The following PLCL1 variants were observed in gnomAD, a reference collection of about 807,000 sequenced individuals.
PLCL1 encodes the protein inactive phospholipase C-like protein 1.
In PLCL1, 41 loss-of-function variants were observed where a neutral mutation model predicts 84.4. The observed-to-expected ratio is 0.49, with a 90% CI of 0.38 to 0.63. PLCL1 has a LOEUF of 0.63. Ranked by LOEUF, PLCL1 falls within the 30% of genes least tolerant of loss-of-function variation. PLCL1 has a pLI of 0.00. For missense variants in PLCL1, 1,206 were observed against 1,367.8 expected (o/e 0.88, Z 1.87); for synonymous variants, 490 against 488.3 (o/e 1.00, Z -0.05).
At position 197,904,426 on chromosome 2, in the gene PLCL1, T is replaced by C. The variant is rs115145849; in HGVS notation, c.240+99087T>C. Among the ~76,000 whole-genome samples the C allele has an allele frequency of 3.5e-3, 528 of 152,348 alleles. 4 individuals are homozygous for C. The highest frequency in any genetic ancestry group is 0.012 in the African/African-American group (490 of 41,572). On this transcript the variant is annotated intron_variant, in intron 1 of 5. Transcript: ENST00000428675. ...CCTTAGATGGTTTTATTTCATTTCT[T>C]TTGTATTAGAAAGTTTAGAAAAAGG...
At chr2:197,890,754 G>C (rs1478725861) in intron 1 of PLCL1, among the ~76,000 whole-genome samples, 1 of 137,902 alleles carries the variant, frequency 7.3e-6, no homozygotes, top group Admixed American at 7.3e-5. Flanking sequence ...GTATACGTAT[G>C]TATATATACA....
chr2:197,858,320 G>A (rs544702149), intron 1 of PLCL1, among the ~76,000 whole-genome samples: 8 of 152,214 alleles, frequency 5.3e-5, no homozygotes, highest in East Asian at 1.9e-4. Context: ...AATGCTAACC[G>A]TTGAAGTATA....
chr2:198,048,935 A>G (rs1487867102), intron 1 of PLCL1, among the ~76,000 whole-genome samples: 1 of 152,216 alleles, frequency 6.6e-6, no homozygotes, highest in African/African-American at 2.4e-5. Flanking sequence ...GTGTAGAAGA[A>G]GAACTTGGGC....
intron 1 of PLCL1, among the ~76,000 whole-genome samples, chr2:197,842,767 C>T (rs1687036263): frequency 6.6e-6 from 1 of 152,158 alleles, no homozygotes; most frequent in Non-Finnish European, 1.5e-5. Flanking sequence ...ATCTCTTGTC[C>T]TTATGCCACA....
At chr2:197,996,389 C>G (rs1336197144) in intron 1 of PLCL1, among the ~76,000 whole-genome samples, 1 of 151,970 alleles carries the variant, frequency 6.6e-6, no homozygotes, top group Non-Finnish European at 1.5e-5. Context: ...ATATAGTTGT[C>G]AAAAGTCATA....
chr2:198,014,919 C>T (rs1690959212), intron 1 of PLCL1, among the ~76,000 whole-genome samples: 1 of 152,012 alleles, frequency 6.6e-6, no homozygotes. Context: ...TTTTTCCCCC[C>T]ATATATTTTT....
At position 198,066,970 on chromosome 2, in the gene PLCL1, T is replaced by C. The variant is rs16827329; in HGVS notation, c.241-16788T>C. ...ACATGTTTGTGTGATTATCCTTTAA[T>C]ATATCTTTCTCCTACAGGTGCCATT... On this transcript the variant is annotated intron_variant, in intron 1 of 5. Transcript: ENST00000428675. 1.2e-4 allele frequency among the ~76,000 whole-genome samples: 18 copies of C among 152,298 alleles called. No homozygotes were observed. In the East Asian group the frequency reaches 3.5e-3, roughly 29 times the overall value.
At position 198,047,349 on chromosome 2, in the gene PLCL1, A is replaced by G. The variant is rs185621303; in HGVS notation, c.241-36409A>G. 5.2e-3 allele frequency among the ~76,000 whole-genome samples: 793 copies of G among 152,190 alleles called. 4 individuals carry two copies. The highest frequency in any genetic ancestry group is 8.4e-3 in the Non-Finnish European group (568 of 67,996). On this transcript the variant is annotated intron_variant, in intron 1 of 5. Coordinates refer to ENST00000428675, the MANE Select transcript of PLCL1 (RefSeq NM_006226.4). ...CAGGTGCACGCCACCAGGCCCAGCT[A>G]GCTTTTATATTTTTATTAGAGATGG...
At chr2:197,920,891 A>G (rs1688687809) in intron 1 of PLCL1, among the ~76,000 whole-genome samples, 1 of 152,252 alleles carries the variant, frequency 6.6e-6, no homozygotes, top group Non-Finnish European at 1.5e-5. Context: ...GAGAAAGGCC[A>G]TGGAGATGAA....
intron 1 of PLCL1, among the ~76,000 whole-genome samples, chr2:197,807,682 G>T (rs1690511762): frequency 6.6e-6 from 1 of 152,112 alleles, no homozygotes. Context: ...TCACAGTTTT[G>T]CCAAGAGATT....
At chr2:197,972,419 C>T (rs925843442) in intron 1 of PLCL1, among the ~76,000 whole-genome samples, 1 of 151,922 alleles carries the variant, frequency 6.6e-6, no homozygotes, top group African/African-American at 2.4e-5. Flanking sequence ...TTTTTTTCCC[C>T]AAGAGATGCG....
chr2:197,959,370 T>C (rs1318539729), intron 1 of PLCL1, among the ~76,000 whole-genome samples: 11 of 152,006 alleles, frequency 7.2e-5, no homozygotes, highest in Non-Finnish European at 2.9e-5. Context: ...CTTCTACTGA[T>C]TGGATAAGAC....
intron 5 of PLCL1, among the ~76,000 whole-genome samples, chr2:198,121,417 A>G (rs753480812): frequency 1.1e-4 from 17 of 152,048 alleles, no homozygotes; most frequent in East Asian, 1.9e-4. Context: ...AGTTTCCCCA[A>G]TGTTTTCTTG....
At chr2:198,052,566 T>G (rs1691964498) in intron 1 of PLCL1, among the ~76,000 whole-genome samples, 1 of 151,924 alleles carries the variant, frequency 6.6e-6, no homozygotes, top group Admixed American at 6.6e-5. Context: ...TTGACATAAA[T>G]TTTGGAAGCA....
At chr2:198,145,253 A>G (rs1434943075) in intron 5 of PLCL1, among the ~76,000 whole-genome samples, 3 of 152,122 alleles carry the variant, frequency 2.0e-5, no homozygotes, top group Admixed American at 6.5e-5. Context: ...CGTGATGTCT[A>G]TAGTGTTAAG....
At chr2:198,000,400 T>C (rs889566916) in intron 1 of PLCL1, among the ~76,000 whole-genome samples, 3 of 152,190 alleles carry the variant, frequency 2.0e-5, no homozygotes, top group Admixed American at 6.5e-5. Flanking sequence ...GTACTGGTCA[T>C]AGTTGTTTGT....
intron 1 of PLCL1, among the ~76,000 whole-genome samples, chr2:197,932,594 C>T (rs1688960284): frequency 6.6e-6 from 1 of 152,160 alleles, no homozygotes; most frequent in Admixed American, 6.6e-5. Flanking sequence ...TGTTCAGCTT[C>T]CGCTTATAAG....
intron 5 of PLCL1, among the ~76,000 whole-genome samples, chr2:198,139,692 G>T (rs1694337297): frequency 6.6e-6 from 1 of 152,122 alleles, no homozygotes. Context: ...TCAAAGGGTT[G>T]GTTTTGATAG....
intron 1 of PLCL1, among the ~76,000 whole-genome samples, chr2:197,967,360 C>A (rs1689765438): frequency 6.6e-6 from 1 of 152,092 alleles, no homozygotes; most frequent in Non-Finnish European, 1.5e-5. Flanking sequence ...CCACGCCCAG[C>A]TAATTTTTGT....
Sources: allele counts gnomAD v4.1 joint callset (sites outside exome capture counted in the v4.1 genomes callset), GRCh38; gene constraint gnomAD v4.1.1; transcripts MANE v1.5; gene names NCBI Gene and HGNC (gene_info 2026-07-23, HGNC 2026-07-21).